COL8A1: variants seen among roughly 807,000 people sequenced by gnomAD.
COL8A1 encodes collagen type VIII alpha 1 chain.
COL8A1 carries 21 observed loss-of-function variants against 42.7 expected under a neutral mutation model. That is an observed-to-expected ratio of 0.49 (90% CI 0.35 to 0.71). COL8A1 has a LOEUF of 0.71. COL8A1 is among the 30% of genes least tolerant of loss of function. The pLI, the probability that COL8A1 is intolerant of heterozygous loss-of-function variation, is 0.01. For missense variants in COL8A1, 788 were observed against 962.4 expected (o/e 0.82, Z 2.40); for synonymous variants, 367 against 369.1 (o/e 0.99, Z 0.06).
intron 2 of COL8A1, among the ~76,000 whole-genome samples, chr3:99,779,751 TGAG>T (rs1941759879): frequency 6.6e-6 from 1 of 152,210 alleles, no homozygotes; most frequent in Non-Finnish European, 1.5e-5. Flanking sequence ...TTCCTTGCAA[TGAG>T]AAGTCTTAAA....
At chr3:99,671,892 A>C (rs1241806464) in intron 1 of COL8A1, among the ~76,000 whole-genome samples, 1 of 152,050 alleles carries the variant, frequency 6.6e-6, no homozygotes, top group East Asian at 1.9e-4. Flanking sequence ...AATAACTCAA[A>C]CTAGCCAAGA....
chr3:99,687,783 GAAACCATTT>G (rs1939107011), intron 1 of COL8A1, among the ~76,000 whole-genome samples: 1 of 152,156 alleles, frequency 6.6e-6, no homozygotes, highest in South Asian at 2.1e-4. Context: ...AAAAATTAAT[GAAACCATTT>G]AAGCAAGAGC....
chr3:99,706,703 G>A (rs1232469346), intron 1 of COL8A1, among the ~76,000 whole-genome samples: 2 of 152,186 alleles, frequency 1.3e-5, no homozygotes, highest in South Asian at 4.1e-4. Flanking sequence ...TCATCTTGAT[G>A]TGCATGTTTT....
chr3:99,662,170 G>A (rs766075808), intron 1 of COL8A1, among the ~76,000 whole-genome samples: 4 of 152,144 alleles, frequency 2.6e-5, no homozygotes, highest in Non-Finnish European at 4.4e-5. Context: ...CTTGAGGTCA[G>A]GAGTGTGAGA....
intron 2 of COL8A1, among the ~76,000 whole-genome samples, chr3:99,772,531 G>A (rs1396698412): frequency 1.3e-5 from 2 of 152,188 alleles, no homozygotes; most frequent in African/African-American, 4.8e-5. Context: ...TTCATAATGG[G>A]GGAGGTTGTG....
intron 1 of COL8A1, among the ~76,000 whole-genome samples, chr3:99,742,596 GAA>G (rs1412370407): frequency 6.6e-6 from 1 of 152,192 alleles, no homozygotes; most frequent in African/African-American, 2.4e-5. Flanking sequence ...ATCATAGAGA[GAA>G]AAGAACCTCT....
intron 1 of COL8A1, among the ~76,000 whole-genome samples, chr3:99,651,040 G>A (rs2107289596): frequency 6.6e-6 from 1 of 152,212 alleles, no homozygotes; most frequent in South Asian, 2.1e-4. Context: ...CCCTATATCT[G>A]TAATTTTAAT....
At chr3:99,779,927 T>C (rs185924471) in intron 2 of COL8A1, among the ~76,000 whole-genome samples, 109 of 152,254 alleles carry the variant, frequency 7.2e-4, no homozygotes, top group Non-Finnish European at 1.3e-3. Flanking sequence ...CAGGGGACAA[T>C]TGGTCAGCCT....
rs186467803 is a variant in COL8A1, at chr3:99,763,531, T to C, written c.-4+18510T>C. Among the ~76,000 whole-genome samples the C allele has an allele frequency of 4.6e-3, 702 of 152,266 alleles. 2 individuals are homozygous for C. Among genetic ancestry groups the C allele is most frequent in the Non-Finnish European group, 8.1e-3 (554 of 68,018 alleles). ...TCATTCTAAACACTTTACATGCATATACTTATTTAATCTGCATTAAAGTCC... is the reference window on the plus strand; with the variant it reads ...TCATTCTAAACACTTTACATGCATACACTTATTTAATCTGCATTAAAGTCC... On this transcript the variant is annotated intron_variant, in intron 2 of 3. Coordinates refer to ENST00000652472, the MANE Select transcript of COL8A1 (RefSeq NM_020351.4).
chr3:99,691,116 C>A (rs552187062), intron 1 of COL8A1, among the ~76,000 whole-genome samples: 1 of 152,242 alleles, frequency 6.6e-6, no homozygotes, highest in Admixed American at 6.5e-5. Context: ...ATTTCTAGAA[C>A]CAATCCCCTG....
At chr3:99,658,311 T>C (rs964161844) in intron 1 of COL8A1, among the ~76,000 whole-genome samples, 1 of 152,040 alleles carries the variant, frequency 6.6e-6, no homozygotes, top group Non-Finnish European at 1.5e-5. Context: ...GTCAGATCTC[T>C]TAATTTTTAG....
rs368450889 is a variant in COL8A1 at position 99,790,910 on chromosome 3, C to T, written c.228C>T (p.His76=). The change falls in exon 3 of 4, where the codon CAC becomes CAT. Residue 76 remains histidine (H), a synonymous_variant. Transcript: ENST00000652472. ...TTGCCATGGGCAAGGAGATGCCCCACTTGCAGTATGGCAAAGAGTATCCAC... is the reference window on the plus strand; with the variant it reads ...TTGCCATGGGCAAGGAGATGCCCCATTTGCAGTATGGCAAAGAGTATCCAC... ...DGLAMGKEMP[H]LQYGKEYPHL... is the part of the protein sequence containing the mutation. The T allele has an allele frequency of 2.5e-4, 400 of 1,614,094 alleles. No individual in the cohort carries two copies. The highest frequency in any genetic ancestry group is 3.3e-4 in the Non-Finnish European group (391 of 1,180,018).
At chr3:99,726,461 A>G (rs368922510) in intron 1 of COL8A1, among the ~76,000 whole-genome samples, 3 of 150,478 alleles carry the variant, frequency 2.0e-5, no homozygotes, top group South Asian at 2.1e-4. Context: ...ATTGCTTTTG[A>G]TGTTTTAGAC....
intron 1 of COL8A1, among the ~76,000 whole-genome samples, chr3:99,641,067 C>T (rs1476392671): frequency 6.6e-6 from 1 of 152,086 alleles, no homozygotes; most frequent in Admixed American, 6.5e-5. Context: ...CTACTACTGT[C>T]AAAATTATAA....
intron 2 of COL8A1, among the ~76,000 whole-genome samples, chr3:99,746,126 C>T (rs1004540413): frequency 6.6e-6 from 1 of 152,126 alleles, no homozygotes; most frequent in Non-Finnish European, 1.5e-5. Context: ...TCATTAATCC[C>T]TCATTGACTG....
At chr3:99,764,182 T>C (rs2107429346) in intron 2 of COL8A1, among the ~76,000 whole-genome samples, 1 of 152,360 alleles carries the variant, frequency 6.6e-6, no homozygotes. Context: ...GCTTTGTGCA[T>C]AAGAATTTTC....
At chr3:99,702,573 T>C (rs1418266404) in intron 1 of COL8A1, among the ~76,000 whole-genome samples, 2 of 152,220 alleles carry the variant, frequency 1.3e-5, no homozygotes, top group African/African-American at 4.8e-5. Context: ...TCAATTCCTG[T>C]GAGTGATGAT....
intron 1 of COL8A1, among the ~76,000 whole-genome samples, chr3:99,683,592 A>T (rs764849506): frequency 6.6e-6 from 1 of 152,068 alleles, no homozygotes; most frequent in African/African-American, 2.4e-5. Flanking sequence ...GAGGGACACG[A>T]TAAATTTTAG....
At chr3:99,734,066 T>C (rs1940618732) in intron 1 of COL8A1, among the ~76,000 whole-genome samples, 1 of 152,082 alleles carries the variant, frequency 6.6e-6, no homozygotes, top group Admixed American at 6.5e-5. Context: ...GTCACATGAG[T>C]AGGTTGTGAA....
Sources: gnomAD v4.1 joint callset for allele counts (sites outside exome capture counted in the v4.1 genomes callset) on GRCh38, gnomAD v4.1.1 for gene constraint, MANE v1.5 for transcripts, NCBI Gene and HGNC (gene_info 2026-07-23, HGNC 2026-07-21) for gene names.